RHOBTB3: variants seen among roughly 807,000 people sequenced by gnomAD.
RHOBTB3 encodes Rho related BTB domain containing 3, also known as rho-related BTB domain-containing protein 3.
In RHOBTB3, 47 loss-of-function variants were observed where a neutral mutation model predicts 67.2. The observed-to-expected ratio is 0.70, with a 90% CI of 0.55 to 0.89. RHOBTB3 has a LOEUF of 0.89. Ranked by LOEUF, RHOBTB3 falls within the 40% of genes least tolerant of loss-of-function variation. The pLI, the probability that RHOBTB3 is intolerant of heterozygous loss-of-function variation, is 0.00. For synonymous variants in RHOBTB3, 273 were observed against 274.2 expected, an observed-to-expected ratio of 1.00 and a Z score of 0.04; for missense variants, 631 against 750.0, an observed-to-expected ratio of 0.84 and a Z score of 1.85.
chr5:95,741,960 TTG>T (rs1441356510), intron 3 of RHOBTB3, among the ~76,000 whole-genome samples: 2 of 152,234 alleles, frequency 1.3e-5, no homozygotes, highest in African/African-American at 4.8e-5. Context: ...GATTATTCTT[TTG>T]GATGCTCACA....
At chr5:95,718,122 A>G (rs1180930364) in intron 1 of RHOBTB3, among the ~76,000 whole-genome samples, 1 of 152,226 alleles carries the variant, frequency 6.6e-6, no homozygotes, top group Non-Finnish European at 1.5e-5. Context: ...AACAAGTGAA[A>G]AAGTTAAATA....
intron 9 of RHOBTB3, chr5:95,781,240 A>G (rs1746037484): frequency 6.6e-6 from 1 of 152,236 alleles, no homozygotes; most frequent in Non-Finnish European, 1.5e-5. Flanking sequence ...AAGCACAACT[A>G]GATTCGGCCC....
In RHOBTB3 at chr5:95,720,507, T is replaced by C. The variant is rs117902054; in HGVS notation, n.133+2742T>C. Reference sequence around the variant, plus strand: ...AGAGTCTAGCATGGAGAGTTACTAATAGTGTACAATTTGTGCCTGTTTGTG... The same window carrying C: ...AGAGTCTAGCATGGAGAGTTACTAACAGTGTACAATTTGTGCCTGTTTGTG... On this transcript the variant is annotated intron_variant and non_coding_transcript_variant, in intron 1 of 5. Coordinates refer to the RHOBTB3 transcript ENST00000504949. Among the ~76,000 whole-genome samples, 225 of 152,344 alleles carry C rather than the reference T, an allele frequency of 1.5e-3. 1 individual carries two copies. Among genetic ancestry groups the C allele is most frequent in the East Asian group, 0.013 (66 of 5,192 alleles).
chr5:95,790,999 C>T (rs1361891596), intron 11 of RHOBTB3, among the ~76,000 whole-genome samples: 4 of 152,188 alleles, frequency 2.6e-5, no homozygotes, highest in Non-Finnish European at 5.9e-5. Flanking sequence ...CATGCCCTCT[C>T]CAGAGGGTCG....
intron 7 of RHOBTB3, among the ~76,000 whole-genome samples, chr5:95,766,186 C>A (rs1745538780): frequency 6.6e-6 from 1 of 151,800 alleles, no homozygotes; most frequent in Non-Finnish European, 1.5e-5. Context: ...CATTTTTCCC[C>A]CCTCACCGAA....
chr5:95,720,386 T>C lies in RHOBTB3; in HGVS notation n.133+2621T>C, dbSNP rs114511077. On this transcript the variant is annotated intron_variant and non_coding_transcript_variant, in intron 1 of 5. Coordinates refer to the RHOBTB3 transcript ENST00000504949. ...TATGATGGGGATCATTAGCAAAACG[T>C]TGTTGTAATCATAGTTAATGCAAAA... Among the ~76,000 whole-genome samples, 1,076 of 152,324 alleles carry C rather than the reference T, an allele frequency of 7.1e-3. 12 individuals are homozygous for C. Among genetic ancestry groups the C allele is most frequent in the African/African-American group, 0.024 (1,013 of 41,552 alleles).
intron 9 of RHOBTB3, among the ~76,000 whole-genome samples, chr5:95,783,028 T>C (rs548313229): frequency 6.6e-6 from 1 of 151,688 alleles, no homozygotes; most frequent in Admixed American, 6.6e-5. Context: ...TTCTGAAGAA[T>C]TAAAAAAAAA....
chr5:95,762,444 T>C (rs1453983686), intron 6 of RHOBTB3, among the ~76,000 whole-genome samples: 1 of 152,100 alleles, frequency 6.6e-6, no homozygotes, highest in Non-Finnish European at 1.5e-5. Flanking sequence ...ATCTGGTGAG[T>C]GCTGAATACA....
intron 8 of RHOBTB3, among the ~76,000 whole-genome samples, chr5:95,772,734 G>A (rs948618200): frequency 2.4e-4 from 37 of 152,160 alleles, no homozygotes; most frequent in African/African-American, 8.7e-4. Context: ...CCCTAGAACT[G>A]TGACTTGCCT....
At chr5:95,769,657 A>G in intron 8 of RHOBTB3, 1 of 166,512 alleles carries the variant, frequency 6.0e-6, no homozygotes. Flanking sequence ...TTATTAATAC[A>G]TCAAAATTTT....
chr5:95,737,073 A>G lies in RHOBTB3; in HGVS notation c.413A>G (p.Asn138Ser). The stretch of plus-strand genomic sequence containing the variant: ...ATTGCTGCTGTTGGTACCAGACAAA[A>G]TGGTAAGTATTTAATATTCTTTTTT... ...VIIAAVGTRQ[N>S]EELPCTCPLC... Residue 138 changes from asparagine to serine, a missense_variant and splice_region_variant, in exon 3 of 12, where the codon AAT becomes AGT. Physicochemically the swap from Asn to Ser is conservative, Grantham distance 46. Transcript: ENST00000379982. 1 of 1,549,850 alleles carries G rather than the reference A, an allele frequency of 6.5e-7. No individual in the cohort carries two copies. The highest frequency in any genetic ancestry group is 8.9e-7 in the Non-Finnish European group (1 of 1,126,472).
Position 95,788,807 on chromosome 5 carries a change from GCTA to G in RHOBTB3, c.1673_1675del (p.Thr558del). 2 of 1,580,832 alleles carry G rather than the reference GCTA, an allele frequency of 1.3e-6. No individual in the cohort carries two copies. The highest frequency in any genetic ancestry group is 1.7e-6 in the Non-Finnish European group (2 of 1,168,820). On this transcript the variant is annotated inframe_deletion, in exon 11 of 12. Coordinates refer to ENST00000379982, the MANE Select transcript of RHOBTB3 (RefSeq NM_014899.4). ...TTCAACCTGGCTACTTCATTTCATT[GCTA>G]CTAACTACCTCATCTTCAGTCAAAA...
intron 8 of RHOBTB3, among the ~76,000 whole-genome samples, chr5:95,778,206 C>T (rs987107367): frequency 1.2e-4 from 18 of 151,936 alleles, no homozygotes; most frequent in African/African-American, 4.4e-4. Flanking sequence ...CCGCTACGCT[C>T]AAGTTCGTGA....
At position 95,723,005 on chromosome 5, in the gene RHOBTB3, G is replaced by A. The variant is rs145076450; in HGVS notation, n.133+5240G>A. ...CTGAGCACAATGATAGAGGTGGGTG[G>A]ATAACAGAAATTCAAACAAAGAAAC... On this transcript the variant is annotated intron_variant and non_coding_transcript_variant, in intron 1 of 5. Transcript: ENST00000504949. Among the ~76,000 whole-genome samples the A allele has an allele frequency of 1.7e-3, 265 of 152,176 alleles. 4 individuals carry two copies. Among genetic ancestry groups the A allele is most frequent in the Admixed American group, 0.014 (211 of 15,282 alleles).
rs1288100798 is a variant in RHOBTB3 at position 95,788,946 on chromosome 5, G to A, written c.1720+88G>A. ...ATAAGTTGTAGAAGTAGTACTTTTAGCAAAATAAGAATAGTCAATGTAATA... is the reference window on the plus strand; with the variant it reads ...ATAAGTTGTAGAAGTAGTACTTTTAACAAAATAAGAATAGTCAATGTAATA... On this transcript the variant is annotated intron_variant, in intron 11 of 11. Coordinates refer to ENST00000379982, the MANE Select transcript of RHOBTB3 (RefSeq NM_014899.4). The A allele has an allele frequency of 3.8e-6, 3 of 791,936 alleles. No homozygotes were observed. In the African/African-American group the frequency reaches 5.5e-5, roughly 15 times the overall value. The allele number at this position is 791,936 out of a possible 1,614,324, so 49.1% of individuals were successfully genotyped here. A position where few individuals can be genotyped will look rare whatever the true frequency, so the allele number is the denominator to read the frequency against.
At chr5:95,777,907 A>G (rs1173376408) in intron 8 of RHOBTB3, among the ~76,000 whole-genome samples, 1 of 152,194 alleles carries the variant, frequency 6.6e-6, no homozygotes, top group Non-Finnish European at 1.5e-5. Context: ...ACGTGAAGCC[A>G]GGAGTTCAAG....
chr5:95,731,466 T>G lies in RHOBTB3; in HGVS notation c.-217T>G. The G allele has an allele frequency of 8.2e-7, 1 of 1,219,094 alleles. No homozygotes were observed. The highest frequency in any genetic ancestry group is 1.0e-6 in the Non-Finnish European group (1 of 983,150). The allele number at this position is 1,219,094 out of a possible 1,614,324, so 75.5% of individuals were successfully genotyped here. On this transcript the variant is annotated 5_prime_UTR_variant, in exon 1 of 12. Transcript: ENST00000379982. ...CGGGCACTCCCTGAGTAGCGGCAGC[T>G]TATCCCCCGCCCGCTAGCCCGCCCT...
chr5:95,782,854 A>T (rs1193643832), intron 9 of RHOBTB3: 2 of 151,076 alleles, frequency 1.3e-5, no homozygotes, highest in Non-Finnish European at 3.0e-5. Context: ...GGTAAATTTC[A>T]TGTTATGTTT....
At chr5:95,775,685 C>G (rs1019571658) in intron 8 of RHOBTB3, among the ~76,000 whole-genome samples, 1 of 151,628 alleles carries the variant, frequency 6.6e-6, no homozygotes, top group Non-Finnish European at 1.5e-5. Flanking sequence ...ATTTTAATGT[C>G]ACTCTGAAAA....
Sources: allele counts gnomAD v4.1 joint callset (sites outside exome capture counted in the v4.1 genomes callset), GRCh38; gene constraint gnomAD v4.1.1; transcripts MANE v1.5; gene names NCBI Gene and HGNC (gene_info 2026-07-23, HGNC 2026-07-21).